NDUFAF2: variants seen among roughly 807,000 people sequenced by gnomAD.
NDUFAF2 encodes the protein NADH dehydrogenase [ubiquinone] 1 alpha subcomplex assembly factor 2.
In NDUFAF2, 13 loss-of-function variants were observed where a neutral mutation model predicts 22.8. That is an observed-to-expected ratio of 0.57 (90% CI 0.37 to 0.91). The LOEUF (loss-of-function observed/expected upper bound fraction) is 0.91, where lower values mean the gene tolerates loss of function less well. Among genes scored for constraint, NDUFAF2 ranks in the 40% least tolerant of loss-of-function variants. The pLI, the probability that NDUFAF2 is intolerant of heterozygous loss-of-function variation, is 0.01. For synonymous variants in NDUFAF2, 53 were observed against 64.2 expected (o/e 0.83, Z 0.84); for missense variants, 162 against 195.2 (o/e 0.83, Z 1.01).
chr5:61,109,022 T>C (rs1752803103), intron 3 of NDUFAF2, among the ~76,000 whole-genome samples: 1 of 152,188 alleles, frequency 6.6e-6, no homozygotes. Context: ...AGGATTTGCA[T>C]TGAATCTGTA....
intron 1 of NDUFAF2, among the ~76,000 whole-genome samples, chr5:60,997,861 G>A (rs538900138): frequency 9.1e-4 from 139 of 152,232 alleles, no homozygotes; most frequent in African/African-American, 3.2e-3. Flanking sequence ...GACTGTAAAT[G>A]AGGTATTACC....
intron 3 of NDUFAF2, among the ~76,000 whole-genome samples, chr5:61,152,395 TAG>T (rs1741257100): frequency 6.6e-6 from 1 of 152,204 alleles, no homozygotes; most frequent in Admixed American, 6.5e-5. Context: ...AAATCTTTCA[TAG>T]AGTGTCTCAG....
At chr5:61,056,500 GA>G (rs1017175443) in intron 1 of NDUFAF2, among the ~76,000 whole-genome samples, 29 of 152,104 alleles carry the variant, frequency 1.9e-4, no homozygotes, top group Non-Finnish European at 2.9e-4. Context: ...AACTAAAATA[GA>G]GAACAAAGAT....
chr5:60,953,163 G>A (rs557688734), intron 1 of NDUFAF2, among the ~76,000 whole-genome samples: 1 of 151,988 alleles, frequency 6.6e-6, no homozygotes, highest in South Asian at 2.1e-4. Flanking sequence ...CCACACCAAG[G>A]CATATTATTA....
intron 3 of NDUFAF2, among the ~76,000 whole-genome samples, chr5:61,150,631 T>C (rs960527557): frequency 6.6e-6 from 1 of 152,136 alleles, no homozygotes; most frequent in African/African-American, 2.4e-5. Context: ...ATAAATAAAG[T>C]AGGCAGGGGC....
chr5:61,018,131 T>G (rs1751535951), intron 1 of NDUFAF2, among the ~76,000 whole-genome samples: 1 of 152,216 alleles, frequency 6.6e-6, no homozygotes, highest in South Asian at 2.1e-4. Flanking sequence ...TTACTACATT[T>G]TACTGTTATC....
chr5:61,082,234 G>A (rs1480746418), intron 2 of NDUFAF2, among the ~76,000 whole-genome samples: 1 of 152,078 alleles, frequency 6.6e-6, no homozygotes, highest in African/African-American at 2.4e-5. Flanking sequence ...CATCATTCTT[G>A]GGGATGAAAT....
chr5:61,003,544 C>T (rs1751326046), intron 1 of NDUFAF2, among the ~76,000 whole-genome samples: 1 of 151,534 alleles, frequency 6.6e-6, no homozygotes, highest in African/African-American at 2.4e-5. Flanking sequence ...TTATGGCAGT[C>T]CCCTATGTGA....
At chr5:61,012,042 T>C (rs1205813903) in intron 1 of NDUFAF2, among the ~76,000 whole-genome samples, 1 of 152,170 alleles carries the variant, frequency 6.6e-6, no homozygotes, top group African/African-American at 2.4e-5. Flanking sequence ...TTAACGTCTT[T>C]AAAGCTTTGA....
At position 61,136,031 on chromosome 5, in the gene NDUFAF2, ATATATATATATC is replaced by A. The variant is rs905862095; in HGVS notation, c.259-16670_259-16659del. 3.8e-5 allele frequency among the ~76,000 whole-genome samples: 3 copies of A among 79,532 alleles called. 1 individual carries two copies. Among genetic ancestry groups the A allele is most frequent in the African/African-American group, 1.2e-4 (3 of 25,614 alleles). The allele number at this position is 79,532 out of a possible 152,430, so 52.2% of individuals were successfully genotyped here. A position where few individuals can be genotyped will look rare whatever the true frequency, so the allele number is the denominator to read the frequency against. ...TATATATATATATATATATATATAT[ATATATATATATC>A]TAGGGTGGATTGCTTTTTTTCTCAC... On this transcript the variant is annotated intron_variant, in intron 3 of 3. Coordinates refer to ENST00000296597, the MANE Select transcript of NDUFAF2 (RefSeq NM_174889.5).
intron 1 of NDUFAF2, among the ~76,000 whole-genome samples, chr5:61,066,067 A>G (rs1319251929): frequency 6.6e-6 from 1 of 152,088 alleles, no homozygotes; most frequent in Non-Finnish European, 1.5e-5. Flanking sequence ...TTAATACACA[A>G]CCTAACTGAA....
chr5:61,126,510 A>G (rs1305935877), intron 3 of NDUFAF2, among the ~76,000 whole-genome samples: 4 of 152,034 alleles, frequency 2.6e-5, no homozygotes, highest in African/African-American at 9.7e-5. Flanking sequence ...GTTGAAAATA[A>G]TCTCACTAAT....
At chr5:61,029,878 C>T (rs896531234) in intron 1 of NDUFAF2, among the ~76,000 whole-genome samples, 5 of 152,090 alleles carry the variant, frequency 3.3e-5, no homozygotes, top group African/African-American at 9.7e-5. Context: ...CACAGTCACC[C>T]GTTCCAGAGG....
chr5:61,114,481 G>A (rs1752886130), intron 3 of NDUFAF2: 1 of 152,126 alleles, frequency 6.6e-6, no homozygotes, highest in African/African-American at 2.4e-5. Flanking sequence ...TAGCTATTTT[G>A]AATTCTCTGT....
At chr5:61,114,095 AT>A (rs1011890134) in intron 3 of NDUFAF2, among the ~76,000 whole-genome samples, 2 of 151,848 alleles carry the variant, frequency 1.3e-5, no homozygotes, top group Non-Finnish European at 2.9e-5. Context: ...GTTCCTTGTT[AT>A]TTTACCTTTG....
intron 1 of NDUFAF2, among the ~76,000 whole-genome samples, chr5:61,062,990 T>TG (rs1752184847): frequency 1.3e-5 from 2 of 152,050 alleles, no homozygotes; most frequent in African/African-American, 2.4e-5. Flanking sequence ...AAACAGTCTT[T>TG]CACAGAGAAG....
At chr5:61,136,751 TCAGTTTTGCCAGCAGCC>T (rs1202170020) in intron 3 of NDUFAF2, among the ~76,000 whole-genome samples, 6 of 152,150 alleles carry the variant, frequency 3.9e-5, no homozygotes, top group Non-Finnish European at 7.3e-5. Flanking sequence ...GCAAACGAGC[TCAGTTTTGCCAGCAGCC>T]CTCTGAGAGA....
intron 1 of NDUFAF2, among the ~76,000 whole-genome samples, chr5:60,982,864 G>A (rs533903589): frequency 3.9e-5 from 6 of 152,182 alleles, no homozygotes; most frequent in Non-Finnish European, 7.4e-5. Flanking sequence ...AAACATACGT[G>A]TGCATGTGTC....
At chr5:60,949,941 C>T (rs553554043) in intron 1 of NDUFAF2, among the ~76,000 whole-genome samples, 9 of 152,192 alleles carry the variant, frequency 5.9e-5, no homozygotes, top group Middle Eastern at 3.4e-3. Context: ...ATCTTGCAAC[C>T]TGTTTTACTC....
Sources: gnomAD v4.1 joint callset for allele counts (sites outside exome capture counted in the v4.1 genomes callset) on GRCh38, gnomAD v4.1.1 for gene constraint, MANE v1.5 for transcripts, NCBI Gene and HGNC (gene_info 2026-07-23, HGNC 2026-07-21) for gene names.